ZZEF1: variants seen among roughly 807,000 people sequenced by gnomAD.
ZZEF1 encodes zinc finger ZZ-type and EF-hand domain containing 1, also known as zinc finger ZZ-type and EF-hand domain-containing protein 1.
Under a neutral mutation model 342.8 loss-of-function variants are expected in ZZEF1, and 157 were observed. The observed-to-expected ratio is 0.46, with a 90% confidence interval of 0.40 to 0.52. The LOEUF (loss-of-function observed/expected upper bound fraction) is 0.52. Among genes scored for constraint, ZZEF1 ranks in the 20% least tolerant of loss-of-function variants. The pLI is 0.00. For missense variants in ZZEF1, 3,480 were observed against 3,725.6 expected (o/e 0.93, Z 1.72); for synonymous variants, 1,505 against 1,429.1 (o/e 1.05, Z -1.20).
intron 32 of ZZEF1, among the ~76,000 whole-genome samples, chr17:4,057,143 G>T (rs2057178736): frequency 6.6e-6 from 1 of 152,186 alleles, no homozygotes; most frequent in Non-Finnish European, 1.5e-5. Context: ...TGTAAAGGGC[G>T]CGCTTCCTTC....
Position 4,064,712 on chromosome 17 carries a change from A to G in ZZEF1, c.4367T>C (p.Leu1456Pro). The G allele has an allele frequency of 6.2e-7, 1 of 1,614,194 alleles. No homozygotes were observed. The highest frequency in any genetic ancestry group is 1.1e-5 in the South Asian group (1 of 91,086). The change falls in exon 29 of 55, where the codon CTC becomes CCC. Residue 1456 changes from leucine to proline, a missense_variant. By Grantham distance (98) the Leu-to-Pro change is moderately conservative (BLOSUM62 -3). This residue lies in a region of ZZEF1 where 1,528 missense variants were observed against 1,624.1 expected (regional missense o/e 0.94). Coordinates refer to ENST00000381638, the MANE Select transcript of ZZEF1 (RefSeq NM_015113.4). Reference protein sequence around the residue: ...TADETSHLQPLNKRQRTSSVV... With the variant: ...TADETSHLQPPNKRQRTSSVV... Reference sequence around the variant, plus strand: ...AGAGCTTGTCCTCTGACGCTTGTTGAGTGGCTGGAGATGACTGGTTTCATC... The same window carrying G: ...AGAGCTTGTCCTCTGACGCTTGTTGGGTGGCTGGAGATGACTGGTTTCATC...
intron 32 of ZZEF1, chr17:4,056,841 G>A (rs923593909): frequency 6.6e-5 from 10 of 152,140 alleles, no homozygotes; most frequent in South Asian, 2.1e-4. Context: ...CATTTCAGAC[G>A]AGATCAGGTG....
In ZZEF1 at chr17:4,142,949, CT is replaced by C; in HGVS notation, c.-55del. The C allele has an allele frequency of 1.5e-6, 2 of 1,302,238 alleles. No homozygotes were observed. The highest frequency in any genetic ancestry group is 1.9e-6 in the Non-Finnish European group (2 of 1,029,220). The allele number at this position is 1,302,238 out of a possible 1,614,324, so 80.7% of individuals were successfully genotyped here. ...GCAGCCGCCGCCGCCGCCTCCCCGC[CT>C]CGACCTGTCAACCTCCGACAGCAGC... On this transcript the variant is annotated 5_prime_UTR_variant, in exon 1 of 55. Transcript: ENST00000381638.
intron 42 of ZZEF1, among the ~76,000 whole-genome samples, chr17:4,027,068 T>C (rs2145019837): frequency 6.6e-6 from 1 of 152,252 alleles, no homozygotes; most frequent in African/African-American, 2.4e-5. Flanking sequence ...GCACTAGCAA[T>C]GAAAAATAGA....
chr17:4,062,834 G>A lies in ZZEF1; in HGVS notation c.4802C>T (p.Ser1601Phe), dbSNP rs780689966. 1 of 1,613,654 alleles carries A rather than the reference G, an allele frequency of 6.2e-7. No individual in the cohort carries two copies. Among genetic ancestry groups the A allele is most frequent in the Admixed American group, 1.7e-5 (1 of 59,972 alleles). ...VLKITQHCAE[S>F]LGQPHCFHPP... ...ATGGAAGCAGTGGGGCTGCCCAAGG[G>A]ATTCTGCACAGTGCTGAGTTATCTT... Residue 1601 changes from serine to phenylalanine, a missense_variant, in exon 30 of 55, where the codon TCC (serine) becomes TTC (phenylalanine). Physicochemically the swap from Ser to Phe is radical, Grantham distance 155 (BLOSUM62 -2). This residue lies in a region of ZZEF1 where 1,528 missense variants were observed against 1,624.1 expected (regional missense o/e 0.94). Coordinates refer to ENST00000381638, the MANE Select transcript of ZZEF1 (RefSeq NM_015113.4).
At chr17:4,126,863 A>G (rs2058581238) in intron 1 of ZZEF1, among the ~76,000 whole-genome samples, 3 of 152,134 alleles carry the variant, frequency 2.0e-5, no homozygotes, top group Admixed American at 1.3e-4. Context: ...GCTACTCCAG[A>G]GGCTGAGGCA....
chr17:4,062,900 G>C lies in ZZEF1; in HGVS notation c.4736C>G (p.Ser1579Cys), dbSNP rs1194561176. 1 of 1,611,440 alleles carries C rather than the reference G, an allele frequency of 6.2e-7. No homozygotes were observed. The highest frequency in any genetic ancestry group is 8.5e-7 in the Non-Finnish European group (1 of 1,179,158). ...GCTCTGGGCCTGGGCTTTCCTCAGG[G>C]AAAGAACCTTCACAACACTGGAGAC... The part of the protein sequence containing the change: ...LSHRSVVKVL[S>C]LRKAQAQSIL... Residue 1579 changes from serine to cysteine, a missense_variant, in exon 30 of 55, where the codon TCC (serine) becomes TGC (cysteine). Coordinates refer to ENST00000381638, the MANE Select transcript of ZZEF1 (RefSeq NM_015113.4).
chr17:4,024,679 T>G (rs956283743), intron 43 of ZZEF1, among the ~76,000 whole-genome samples: 4 of 152,228 alleles, frequency 2.6e-5, no homozygotes, highest in African/African-American at 7.2e-5. Flanking sequence ...GACAAAGTTG[T>G]GTTCCCATGA....
chr17:4,014,743 A>T lies in ZZEF1; in HGVS notation c.8146-228T>A, dbSNP rs1211836825. ...AGGCAACACGGGGCCCCAGAGAAAG[A>T]GTGTCAGGCTGCTGTGAAGAGTGAA... On this transcript the variant is annotated intron_variant, in intron 49 of 54. Transcript: ENST00000381638. The surrounding 1 kb of genome is among the most constrained non-coding windows in gnomAD (Gnocchi z 4.4). Among the ~76,000 whole-genome samples the T allele has an allele frequency of 6.6e-6, 1 of 152,140 alleles. No individual in the cohort carries two copies. The highest frequency in any genetic ancestry group is 1.5e-5 in the Non-Finnish European group (1 of 68,018).
At chr17:4,073,494 T>A (rs1031312838) in intron 24 of ZZEF1, among the ~76,000 whole-genome samples, 19 of 152,360 alleles carry the variant, frequency 1.2e-4, no homozygotes, top group African/African-American at 4.6e-4. Context: ...TGCAGCAGTA[T>A]GATCACAGCT....
intron 16 of ZZEF1, among the ~76,000 whole-genome samples, chr17:4,083,312 G>A (rs928854596): frequency 5.3e-5 from 8 of 152,190 alleles, no homozygotes; most frequent in African/African-American, 2.4e-5. Flanking sequence ...TTAATCATTT[G>A]CTCAGCTACC....
At chr17:4,057,184 G>A (rs1331731808) in intron 32 of ZZEF1, among the ~76,000 whole-genome samples, 1 of 152,206 alleles carries the variant, frequency 6.6e-6, no homozygotes, top group African/African-American at 2.4e-5. Flanking sequence ...GGGAGACAAA[G>A]CGAGAAACCG....
intron 45 of ZZEF1, 79 bp downstream of exon 45, chr17:4,021,050 G>A: frequency 6.9e-7 from 1 of 1,441,948 alleles, no homozygotes; most frequent in East Asian, 2.3e-5. Context: ...TTCATGTTTA[G>A]GCTAAAACAT....
chr17:4,079,655 ACTAGAT>A (rs1177214873), intron 18 of ZZEF1, among the ~76,000 whole-genome samples: 3 of 152,242 alleles, frequency 2.0e-5, no homozygotes, highest in Non-Finnish European at 4.4e-5. Context: ...CTAAATTAAT[ACTAGAT>A]CTAAACAGTG....
chr17:4,068,741 G>A (rs2057452800), intron 26 of ZZEF1, among the ~76,000 whole-genome samples: 1 of 152,138 alleles, frequency 6.6e-6, no homozygotes, highest in South Asian at 2.1e-4. Flanking sequence ...ATACGCCAGG[G>A]CTGTACCAGA....
In ZZEF1 at chr17:4,123,981, T is replaced by C; in HGVS notation, c.425A>G (p.Asn142Ser). 1 of 1,614,100 alleles carries C rather than the reference T, an allele frequency of 6.2e-7. No homozygotes were observed. The highest frequency in any genetic ancestry group is 8.5e-7 in the Non-Finnish European group (1 of 1,180,008). The change falls in exon 2 of 55, where the codon AAT becomes AGT. Residue 142 changes from asparagine (N) to serine (S), a missense_variant. Physicochemically the swap from Asn to Ser is conservative, Grantham distance 46. Coordinates refer to ENST00000381638, the MANE Select transcript of ZZEF1 (RefSeq NM_015113.4). The stretch of plus-strand genomic sequence containing the variant: ...CCCCTGAAGATTAGCTCCACTGGAA[T>C]TCTTGAGGGCCTCCAACATGTTCTC... Reference protein sequence around the residue: ...DAENMLEALKNSSGANLQGEL... With the variant: ...DAENMLEALKSSSGANLQGEL...
intron 1 of ZZEF1, among the ~76,000 whole-genome samples, chr17:4,126,480 G>A (rs2058575416): frequency 6.6e-6 from 1 of 152,126 alleles, no homozygotes; most frequent in Non-Finnish European, 1.5e-5. Flanking sequence ...CAAAATTTTG[G>A]AAGCTTGGAA....
At chr17:4,141,291 G>A (rs2145635583) in intron 1 of ZZEF1, among the ~76,000 whole-genome samples, 1 of 152,292 alleles carries the variant, frequency 6.6e-6, no homozygotes, top group African/African-American at 2.4e-5. Flanking sequence ...CTGAATTCTG[G>A]CCATGTACAG....
chr17:4,082,297 G>T (rs1408822219), intron 17 of ZZEF1, 140 bp downstream of exon 17: 10 of 695,768 alleles, frequency 1.4e-5, no homozygotes, highest in Admixed American at 1.0e-4. Context: ...CCACTATTTG[G>T]GTCACCCACA....
Sources: allele counts gnomAD v4.1 joint callset (sites outside exome capture counted in the v4.1 genomes callset), GRCh38; gene constraint gnomAD v4.1.1; regional missense constraint gnomAD v4.1.1; non-coding constraint Gnocchi (gnomAD v3.1); transcripts MANE v1.5; gene names NCBI Gene and HGNC (gene_info 2026-07-23, HGNC 2026-07-21).